ACSS1: variants seen among roughly 807,000 people sequenced by gnomAD.
ACSS1 encodes acetyl-coenzyme A synthetase 2-like, mitochondrial.
Under a neutral mutation model 75.3 loss-of-function variants are expected in ACSS1, and 42 were observed. The observed-to-expected ratio is 0.56, with a 90% CI of 0.44 to 0.72. The LOEUF is 0.72. ACSS1 is among the 30% of genes least tolerant of loss of function. The pLI is 0.00. For synonymous variants in ACSS1, 380 were observed against 376.8 expected, an observed-to-expected ratio of 1.01 and a Z score of -0.10; for missense variants, 782 against 935.7, an observed-to-expected ratio of 0.84 and a Z score of 2.14.
chr20:25,043,743 C>T (rs1363601427), intron 2 of ACSS1, among the ~76,000 whole-genome samples: 2 of 152,220 alleles, frequency 1.3e-5, no homozygotes, highest in East Asian at 1.9e-4. Flanking sequence ...GATGCCTGTG[C>T]TTCCTCACAG....
chr20:25,023,219 A>G, intron 4 of ACSS1, 127 bp from the exon 5 acceptor site: 3 of 1,287,108 alleles, frequency 2.3e-6, no homozygotes, highest in Non-Finnish European at 3.1e-6. Flanking sequence ...GTCCAAGTTC[A>G]ATTCCAAATG....
chr20:25,022,805 C>T, intron 5 of ACSS1, 135 bp downstream of exon 5: 5 of 1,259,810 alleles, frequency 4.0e-6, no homozygotes, highest in Non-Finnish European at 5.3e-6. Context: ...CTCGAGGGGG[C>T]CCTGCCCCGA....
chr20:25,055,314 C>G (rs148772056), intron 1 of ACSS1, among the ~76,000 whole-genome samples: 225 of 152,288 alleles, frequency 1.5e-3, no homozygotes, highest in Non-Finnish European at 1.2e-3. Context: ...TTACATACGG[C>G]CCTTGTTTTA....
At chr20:25,032,680 G>A in intron 2 of ACSS1, 1 of 1,198,922 alleles carries the variant, frequency 8.3e-7, no homozygotes, top group Non-Finnish European at 1.0e-6. Flanking sequence ...GCTCTCCTCT[G>A]TTCAAAGGGT....
rs980544245 is a variant in ACSS1 at position 25,007,555 on chromosome 20, G to C, written c.*207C>G. On this transcript the variant is annotated 3_prime_UTR_variant, in exon 14 of 14. Transcript: ENST00000323482. ...GAACCAGCCCTAGCCATGTCGCATA[G>C]CCTCTCCATGGGTGACACTCCTGGG... The C allele has an allele frequency of 1.1e-5, 16 of 1,409,444 alleles. No homozygotes were observed. The African/African-American group carries it at 1.9e-4, about 17-fold the overall frequency. The allele number at this position is 1,409,444 out of a possible 1,614,324, so 87.3% of individuals were successfully genotyped here.
intron 2 of ACSS1, chr20:25,031,250 C>T (rs917682482): frequency 1.8e-5 from 8 of 454,534 alleles, no homozygotes; most frequent in African/African-American, 1.2e-4. Flanking sequence ...CGTAGGGGAG[C>T]CATGGTGACA....
chr20:25,007,658 T>C lies in ACSS1; in HGVS notation c.*104A>G. On this transcript the variant is annotated 3_prime_UTR_variant, in exon 14 of 14. Coordinates refer to ENST00000323482, the MANE Select transcript of ACSS1 (RefSeq NM_032501.4). ...TGTGGGTCATGTGTGGGGTGGGGGCTGCTTCTGGGACGTAGGAAGACGCCA... is the reference window on the plus strand; with the variant it reads ...TGTGGGTCATGTGTGGGGTGGGGGCCGCTTCTGGGACGTAGGAAGACGCCA... The C allele has an allele frequency of 6.5e-7, 1 of 1,530,844 alleles. No homozygotes were observed. The highest frequency in any genetic ancestry group is 2.3e-5 in the East Asian group (1 of 44,216). 94.8% of individuals were successfully genotyped at this position (1,530,844 alleles called of 1,614,324 possible).
At chr20:25,044,164 C>T (rs1247837385) in intron 2 of ACSS1, among the ~76,000 whole-genome samples, 1 of 152,210 alleles carries the variant, frequency 6.6e-6, no homozygotes, top group East Asian at 1.9e-4. Flanking sequence ...AGGCTCCAGG[C>T]TCCAGGCAGG....
chr20:25,023,394 A>T, intron 4 of ACSS1, 72 bp downstream of exon 4: 1 of 1,577,744 alleles, frequency 6.3e-7, no homozygotes, highest in Non-Finnish European at 8.6e-7. Context: ...TGAGAACCAC[A>T]ACCCGAGAAG....
Position 25,012,678 on chromosome 20 carries a change from A to G in ACSS1, c.1708-14T>C. On this transcript the variant is annotated splice_polypyrimidine_tract_variant and intron_variant, in intron 11 of 13. Transcript: ENST00000323482. ...AGGGTGGTCGGCCTGTGTACAACAG[A>G]GAACAAAAGGGCAAAATGTGGCGGC... The G allele has an allele frequency of 1.2e-6, 2 of 1,614,156 alleles. No homozygotes were observed. Among genetic ancestry groups the G allele is most frequent in the Non-Finnish European group, 1.7e-6 (2 of 1,180,028 alleles).
chr20:25,042,906 C>T (rs372079078), intron 2 of ACSS1, among the ~76,000 whole-genome samples: 6 of 152,322 alleles, frequency 3.9e-5, no homozygotes, highest in African/African-American at 1.4e-4. Context: ...ACATGCCCCT[C>T]TCCACGCCCA....
intron 3 of ACSS1, among the ~76,000 whole-genome samples, chr20:25,027,042 T>A (rs1030427644): frequency 2.0e-5 from 3 of 152,264 alleles, no homozygotes; most frequent in African/African-American, 4.8e-5. Flanking sequence ...CTTAGCATAA[T>A]GCTGAAAGCA....
chr20:25,038,141 C>T (rs1192484663), intron 2 of ACSS1, among the ~76,000 whole-genome samples: 1 of 152,208 alleles, frequency 6.6e-6, no homozygotes, highest in African/African-American at 2.4e-5. Flanking sequence ...GATGCCAGCT[C>T]AGCCAGTAAC....
intron 2 of ACSS1, among the ~76,000 whole-genome samples, chr20:25,033,370 A>C (rs969174897): frequency 9.9e-5 from 15 of 152,222 alleles, no homozygotes; most frequent in Non-Finnish European, 2.2e-4. Context: ...CTGCCTAGAC[A>C]TGGGAGCTTA....
chr20:25,017,321 T>C (rs2088536420), intron 7 of ACSS1, among the ~76,000 whole-genome samples: 1 of 152,222 alleles, frequency 6.6e-6, no homozygotes, highest in South Asian at 2.1e-4. Flanking sequence ...ACGGATTAAA[T>C]GTCATGAGGG....
chr20:25,007,515 C>T lies in ACSS1; in HGVS notation c.*247G>A, dbSNP rs2088329315. 1 of 1,318,510 alleles carries T rather than the reference C, an allele frequency of 7.6e-7. No homozygotes were observed. Among genetic ancestry groups the T allele is most frequent in the East Asian group, 3.0e-5 (1 of 33,070 alleles). 81.7% of individuals were successfully genotyped at this position (1,318,510 alleles called of 1,614,324 possible). A position where few individuals can be genotyped will look rare whatever the true frequency, so the allele number is the denominator to read the frequency against. On this transcript the variant is annotated 3_prime_UTR_variant, in exon 14 of 14. Transcript: ENST00000323482. ...GCAATGCCTTTTCATTCCAGGAAAC[C>T]AAACTCAGATGGCAGAACCAGCCCT...
rs1472570858 is a variant in ACSS1, at chr20:25,023,456, G to A, written c.807+10C>T. On this transcript the variant is annotated intron_variant, in intron 4 of 13. Transcript: ENST00000323482. ...CCTCGCCTCAAACTGTGCAAAGCGA[G>A]GTAACCCACCTGCTCCAGCGGGACG... The A allele has an allele frequency of 6.2e-7, 1 of 1,613,906 alleles. No individual in the cohort carries two copies. Among genetic ancestry groups the A allele is most frequent in the Admixed American group, 1.7e-5 (1 of 60,010 alleles).
In ACSS1 at chr20:25,006,794, G is replaced by T; in HGVS notation, c.*968C>A. The T allele has an allele frequency of 6.5e-7, 1 of 1,527,234 alleles. No individual in the cohort carries two copies. The highest frequency in any genetic ancestry group is 1.7e-4 in the Middle Eastern group (1 of 5,878). The allele number at this position is 1,527,234 out of a possible 1,614,324, so 94.6% of individuals were successfully genotyped here. A position where few individuals can be genotyped will look rare whatever the true frequency, so the allele number is the denominator to read the frequency against. On this transcript the variant is annotated 3_prime_UTR_variant, in exon 14 of 14. Coordinates refer to ENST00000323482, the MANE Select transcript of ACSS1 (RefSeq NM_032501.4). ...CAAGTCTCATCATTGGACCTCAGTG[G>T]TTCTCACCGCCCCAACCACAGAGTG...
intron 2 of ACSS1, among the ~76,000 whole-genome samples, chr20:25,038,760 G>C (rs959289324): frequency 1.3e-5 from 2 of 152,276 alleles, no homozygotes; most frequent in Middle Eastern, 3.4e-3. Context: ...CTGCCAGTCT[G>C]GGGGTTCCAG....
Sources: gnomAD v4.1 joint callset for allele counts (sites outside exome capture counted in the v4.1 genomes callset) on GRCh38, gnomAD v4.1.1 for gene constraint, MANE v1.5 for transcripts, NCBI Gene and HGNC (gene_info 2026-07-23, HGNC 2026-07-21) for gene names.